MED26: variants seen among roughly 807,000 people sequenced by gnomAD.
MED26 encodes mediator of RNA polymerase II transcription subunit 26.
MED26 carries 7 observed loss-of-function variants against 43.7 expected under a neutral mutation model. The ratio of observed to expected loss-of-function variants is 0.16; its 90% CI spans 0.09 to 0.30. MED26 has a LOEUF of 0.30. Among genes scored for constraint, MED26 ranks in the 10% least tolerant of loss-of-function variants. MED26 has a pLI of 1.00. For synonymous variants in MED26, 375 were observed against 371.1 expected (o/e 1.01, Z -0.12); for missense variants, 784 against 840.6 (o/e 0.93, Z 0.83).
At chr19:16,622,073 G>A (rs908422935) in intron 1 of MED26, among the ~76,000 whole-genome samples, 8 of 152,300 alleles carry the variant, frequency 5.3e-5, no homozygotes, top group East Asian at 1.9e-4. Flanking sequence ...CAGAGACAAC[G>A]CAAGAAGAGC....
intron 1 of MED26, among the ~76,000 whole-genome samples, chr19:16,614,083 T>C (rs2122445750): frequency 6.6e-6 from 1 of 152,244 alleles, no homozygotes; most frequent in East Asian, 1.9e-4. Context: ...CCCCACAGGA[T>C]GGTATCACCA....
At chr19:16,615,944 C>T (rs1281925494) in intron 1 of MED26, among the ~76,000 whole-genome samples, 4 of 152,202 alleles carry the variant, frequency 2.6e-5, no homozygotes, top group African/African-American at 9.7e-5. Context: ...AGTGCTACAA[C>T]TTTCACAGGC....
At chr19:16,593,023 A>T (rs1228239028) in intron 1 of MED26, among the ~76,000 whole-genome samples, 3 of 152,218 alleles carry the variant, frequency 2.0e-5, no homozygotes, top group African/African-American at 7.2e-5. Flanking sequence ...CCGACTCTGT[A>T]GGTGGGCCAA....
chr19:16,602,896 G>A (rs1386644212), intron 1 of MED26, among the ~76,000 whole-genome samples: 1 of 152,242 alleles, frequency 6.6e-6, no homozygotes, highest in Non-Finnish European at 1.5e-5. Context: ...GAGTCCTGGA[G>A]ACAGATGGTG....
rs933858241 is a variant in MED26 at position 16,587,165 on chromosome 19, C to G, written c.73-8756G>C. 1 of 151,662 alleles carries G rather than the reference C, an allele frequency of 6.6e-6. No homozygotes were observed. The highest frequency in any genetic ancestry group is 2.4e-5 in the African/African-American group (1 of 41,284). 9.4% of individuals were successfully genotyped at this position (151,662 alleles called of 1,614,324 possible). On this transcript the variant is annotated intron_variant, in intron 1 of 2. Coordinates refer to ENST00000263390, the MANE Select transcript of MED26 (RefSeq NM_004831.5). The surrounding 1 kb of genome is among the most constrained non-coding windows in gnomAD (Gnocchi z 4.9). ...GTCTGCTGAGGACACACGGGTGAAT[C>G]AAACAGGGCTTTGCTGGGAGAGTGT...
intron 1 of MED26, among the ~76,000 whole-genome samples, chr19:16,583,165 C>T (rs1265373832): frequency 1.3e-5 from 2 of 152,240 alleles, no homozygotes; most frequent in South Asian, 4.1e-4. Flanking sequence ...GCCCGATGGC[C>T]AATTGCAGCC....
chr19:16,605,683 G>A (rs952160522), intron 1 of MED26, among the ~76,000 whole-genome samples: 1 of 152,208 alleles, frequency 6.6e-6, no homozygotes, highest in Non-Finnish European at 1.5e-5. Context: ...AGAGGCTCGG[G>A]TGAACAGGGT....
chr19:16,603,469 TA>T (rs889511985), intron 1 of MED26, among the ~76,000 whole-genome samples: 3 of 150,370 alleles, frequency 2.0e-5, no homozygotes, highest in African/African-American at 4.9e-5. Flanking sequence ...GGGCTTTTTT[TA>T]AAAAAAAAAT....
intron 1 of MED26, among the ~76,000 whole-genome samples, chr19:16,627,605 G>A (rs915256448): frequency 2.6e-5 from 4 of 152,236 alleles, no homozygotes; most frequent in African/African-American, 4.8e-5. Flanking sequence ...GAGCAGAAAG[G>A]GAGGAAAAAC....
At position 16,600,454 on chromosome 19, in the gene MED26, C is replaced by T. The variant is rs141449014; in HGVS notation, c.73-22045G>A. Among the ~76,000 whole-genome samples, 3 of 152,342 alleles carry T rather than the reference C, an allele frequency of 2.0e-5. No homozygotes were observed. The East Asian group carries it at 5.8e-4, about 29-fold the overall frequency. ...CTTTTCAGGTATGCCCAGCAATCCC[C>T]CTATCCAACTGCACATCTGCTAATA... On this transcript the variant is annotated intron_variant, in intron 1 of 2. Transcript: ENST00000263390.
In MED26 at chr19:16,601,683, C is replaced by T. The variant is rs537514618; in HGVS notation, c.73-23274G>A. 3.9e-5 allele frequency among the ~76,000 whole-genome samples: 6 copies of T among 152,304 alleles called. No homozygotes were observed. In the South Asian group the frequency reaches 1.2e-3, roughly 32 times the overall value. On this transcript the variant is annotated intron_variant, in intron 1 of 2. Coordinates refer to ENST00000263390, the MANE Select transcript of MED26 (RefSeq NM_004831.5). ...CACCTGGAGAGTAAGCAGGAGTCCTCTGGACAAGCTGGGGAGGCAAGGACC... is the reference window on the plus strand; with the variant it reads ...CACCTGGAGAGTAAGCAGGAGTCCTTTGGACAAGCTGGGGAGGCAAGGACC...
intron 1 of MED26, among the ~76,000 whole-genome samples, chr19:16,625,490 G>A (rs893336993): frequency 2.6e-5 from 4 of 151,356 alleles, no homozygotes; most frequent in African/African-American, 7.3e-5. Context: ...ATTCTCTGCC[G>A]CTTCTCTCAG....
At chr19:16,595,229 C>T (rs1007483872) in intron 1 of MED26, among the ~76,000 whole-genome samples, 5 of 152,304 alleles carry the variant, frequency 3.3e-5, no homozygotes, top group South Asian at 4.1e-4. Context: ...CCTCCTCAAA[C>T]CCAACTCGTG....
chr19:16,607,465 C>T (rs2086179243), intron 1 of MED26, among the ~76,000 whole-genome samples: 1 of 151,692 alleles, frequency 6.6e-6, no homozygotes, highest in Non-Finnish European at 1.5e-5. Flanking sequence ...AGGGCTCACA[C>T]TCATGTTGGG....
chr19:16,585,525 T>G (rs1038127182), intron 1 of MED26, among the ~76,000 whole-genome samples: 1 of 152,216 alleles, frequency 6.6e-6, no homozygotes, highest in Admixed American at 6.5e-5. Context: ...CTCCAGGACC[T>G]GCCCAGCCCC....
intron 1 of MED26, among the ~76,000 whole-genome samples, chr19:16,594,427 C>T (rs1244099442): frequency 6.6e-6 from 1 of 152,222 alleles, no homozygotes; most frequent in African/African-American, 2.4e-5. Flanking sequence ...GCGCATCTCA[C>T]AAGTGGGGAA....
intron 1 of MED26, among the ~76,000 whole-genome samples, chr19:16,616,636 C>T (rs569528435): frequency 6.6e-6 from 1 of 152,252 alleles, no homozygotes; most frequent in Admixed American, 6.5e-5. Context: ...AAGGTGTATC[C>T]ACTTTGGAGT....
In MED26 at chr19:16,577,275, G is replaced by A. The variant is rs1200357085; in HGVS notation, c.555C>T (p.Ile185=). The change falls in exon 3 of 3, where the codon ATC becomes ATT. Residue 185 remains isoleucine (I), a synonymous_variant. Transcript: ENST00000263390. The surrounding 1 kb of genome is among the most constrained non-coding windows in gnomAD (Gnocchi z 8.1). The part of the protein sequence containing the change: ...PNSSPLPTNG[I]SGSPESFASS... The stretch of plus-strand genomic sequence containing the variant: ...TGGCGAAGCTCTCTGGACTCCCACT[G>A]ATCCCGTTGGTGGGGAGGGGGGATG... 6.2e-7 allele frequency: 1 copy of A among 1,612,102 alleles called. No individual in the cohort carries two copies. The highest frequency in any genetic ancestry group is 2.2e-5 in the East Asian group (1 of 44,830).
intron 1 of MED26, among the ~76,000 whole-genome samples, chr19:16,622,100 A>G (rs2086254443): frequency 6.6e-6 from 1 of 152,270 alleles, no homozygotes; most frequent in Non-Finnish European, 1.5e-5. Flanking sequence ...GCCTGACTAC[A>G]GAACTTATTC....
Sources: gnomAD v4.1 joint callset for allele counts (sites outside exome capture counted in the v4.1 genomes callset) on GRCh38, gnomAD v4.1.1 for gene constraint, Gnocchi (gnomAD v3.1) non-coding constraint, MANE v1.5 for transcripts, NCBI Gene and HGNC (gene_info 2026-07-23, HGNC 2026-07-21) for gene names.